The following CWC22 variants were observed in gnomAD, a reference collection of about 807,000 sequenced individuals.
The protein encoded by CWC22 is CWC22 spliceosome associated protein.
CWC22 carries 53 observed loss-of-function variants against 117.2 expected under a neutral mutation model. That is an observed-to-expected ratio of 0.45 (90% CI 0.36 to 0.57). The LOEUF is 0.57. Ranked by LOEUF, CWC22 falls within the 20% of genes least tolerant of loss-of-function variation. The probability of loss-of-function intolerance (pLI) is 0.00; values close to 1 mark genes in which losing one functional copy is unlikely to be tolerated. For synonymous variants in CWC22, 360 were observed against 355.6 expected (o/e 1.01, Z -0.14); for missense variants, 980 against 1,068.8 (o/e 0.92, Z 1.16).
intron 13 of CWC22, among the ~76,000 whole-genome samples, chr2:179,962,895 A>C (rs951306335): frequency 6.6e-6 from 1 of 152,100 alleles, no homozygotes; most frequent in Non-Finnish European, 1.5e-5. Flanking sequence ...AATCACCCTT[A>C]GGGTATAAAT....
rs543783141 is a variant in CWC22, at chr2:179,994,552, T to C, written c.-113-1098A>G. On this transcript the variant is annotated intron_variant, in intron 1 of 19. Transcript: ENST00000410053. ...ATTATAAAGTGATACAGAGCGGCTG[T>C]CATTTAATGCAGATGGGGATGTATA... 3.9e-5 allele frequency among the ~76,000 whole-genome samples: 6 copies of C among 152,314 alleles called. No homozygotes were observed. The South Asian group carries it at 8.3e-4, about 21-fold the overall frequency.
chr2:179,947,411 C>T (rs1686338006), intron 19 of CWC22, among the ~76,000 whole-genome samples: 2 of 152,230 alleles, frequency 1.3e-5, no homozygotes, highest in Non-Finnish European at 2.9e-5. Flanking sequence ...TAACAAGAGG[C>T]AATCTCTTCT....
rs1485866566 is a variant in CWC22 at position 180,006,979 on chromosome 2, T to TG, written c.-227dup. 1 of 152,198 alleles carries TG rather than the reference T, an allele frequency of 6.6e-6. No individual in the cohort carries two copies. The highest frequency in any genetic ancestry group is 2.4e-5 in the African/African-American group (1 of 41,418). The allele number at this position is 152,198 out of a possible 1,614,324, so 9.4% of individuals were successfully genotyped here. On this transcript the variant is annotated 5_prime_UTR_variant, in exon 1 of 20. Transcript: ENST00000410053. ...GTATCAGTGAGCCCGCACCCACTCC[T>TG]GGGGGTCTTTTACTTCCCACCCGAT...
intron 11 of CWC22, among the ~76,000 whole-genome samples, chr2:179,966,607 C>G (rs1034892504): frequency 6.6e-6 from 1 of 152,064 alleles, no homozygotes; most frequent in Non-Finnish European, 1.5e-5. Context: ...ATTAGATGAT[C>G]ACTTTTAAAA....
Position 179,970,709 on chromosome 2 carries a change from T to A in CWC22, c.1088A>T (p.Asp363Val). Reference protein sequence around the residue: ...ILEGLDLVEEDDQFTHMLPLE... With the variant: ...ILEGLDLVEEVDQFTHMLPLE... ...AGGGAGCATATGAGTGAATTGATCATCTTCTTCCACCAAATCAAGACCTTC... is the reference window on the plus strand; with the variant it reads ...AGGGAGCATATGAGTGAATTGATCAACTTCTTCCACCAAATCAAGACCTTC... The change falls in exon 10 of 20, where the codon GAT becomes GTT. Residue 363 changes from aspartate (D) to valine (V), a missense_variant. Physicochemically the swap from Asp to Val is radical, Grantham distance 152. Around this residue, in one of 3 missense-constraint regions of CWC22, gnomAD observed 559 missense variants for 602.3 expected, o/e 0.93. Coordinates refer to ENST00000410053, the MANE Select transcript of CWC22 (RefSeq NM_020943.3). 6.2e-7 allele frequency: 1 copy of A among 1,613,766 alleles called. No homozygotes were observed. The highest frequency in any genetic ancestry group is 8.5e-7 in the Non-Finnish European group (1 of 1,179,758).
Position 179,978,324 on chromosome 2 carries a change from A to G in CWC22, c.453-6T>C. The G allele has an allele frequency of 6.8e-7, 1 of 1,466,922 alleles. No homozygotes were observed. The highest frequency in any genetic ancestry group is 9.0e-7 in the Non-Finnish European group (1 of 1,112,512). The allele number at this position is 1,466,922 out of a possible 1,614,324, so 90.9% of individuals were successfully genotyped here. A position where few individuals can be genotyped will look rare whatever the true frequency, so the allele number is the denominator to read the frequency against. On this transcript the variant is annotated splice_region_variant and splice_polypyrimidine_tract_variant and intron_variant, in intron 5 of 19. Transcript: ENST00000410053. ...TCATCCTCTGGTATGCTAAGCTAAA[A>G]AGAAGTGATTTTAATAAAGATTAAA...
At chr2:179,965,009 G>C (rs1686853132) in intron 12 of CWC22, among the ~76,000 whole-genome samples, 1 of 152,074 alleles carries the variant, frequency 6.6e-6, no homozygotes, top group African/African-American at 2.4e-5. Context: ...CAGTTGCAGA[G>C]AACACTAGAT....
In CWC22 at chr2:179,958,951, T is replaced by G. The variant is rs1302068584; in HGVS notation, c.1458+71A>C. On this transcript the variant is annotated intron_variant, in intron 14 of 19. Transcript: ENST00000410053. ...AGGTATTGCTTCAATCCACAAAACT[T>G]ACCCATTAACAGCCTTAAACATTTT... 3.5e-6 allele frequency: 3 copies of G among 845,180 alleles called. No homozygotes were observed. The East Asian group carries it at 8.0e-5, about 23-fold the overall frequency. The allele number at this position is 845,180 out of a possible 1,614,324, so 52.4% of individuals were successfully genotyped here.
rs760140810 is a variant in CWC22 at position 179,954,290 on chromosome 2, G to A, written c.1604C>T (p.Thr535Ile). 6.2e-7 allele frequency: 1 copy of A among 1,608,690 alleles called. No homozygotes were observed. Among genetic ancestry groups the A allele is most frequent in the South Asian group, 1.1e-5 (1 of 90,808 alleles). Residue 535 changes from threonine to isoleucine, a missense_variant, in exon 16 of 20, where the codon ACC (threonine) becomes ATC (isoleucine). Physicochemically the swap from Thr to Ile is moderately conservative, Grantham distance 89. This residue lies in a region of CWC22 where 115 missense variants were observed against 169.8 expected (regional missense o/e 0.68). Transcript: ENST00000410053. Reference sequence around the variant, plus strand: ...CTTGTTTGTTTCCAAGCGATGGATGGTATCATACTGTTCTTTGAATATACC... The same window carrying A: ...CTTGTTTGTTTCCAAGCGATGGATGATATCATACTGTTCTTTGAATATACC... ...FEGIFKEQYD[T>I]IHRLETNKLR...
chr2:179,995,384 A>G (rs1454999962), intron 1 of CWC22, among the ~76,000 whole-genome samples: 1 of 152,204 alleles, frequency 6.6e-6, no homozygotes, highest in Non-Finnish European at 1.5e-5. Flanking sequence ...GTCTATTCTG[A>G]TATCATGCAA....
At chr2:179,990,546 CAGAGAGAGAGAGAG>C (rs3082436) in intron 2 of CWC22, among the ~76,000 whole-genome samples, 33 of 144,850 alleles carry the variant, frequency 2.3e-4, no homozygotes, top group African/African-American at 4.1e-4. Context: ...GTGAGACAGA[CAGAGAGAGAGAGAG>C]AGAGAGAGAG....
intron 11 of CWC22, among the ~76,000 whole-genome samples, chr2:179,970,224 A>C (rs1241805327): frequency 1.3e-5 from 2 of 152,180 alleles, no homozygotes; most frequent in Non-Finnish European, 2.9e-5. Flanking sequence ...GGCCACCACT[A>C]ATCTATGAAT....
chr2:179,998,822 G>C (rs1687774137), intron 1 of CWC22, among the ~76,000 whole-genome samples: 1 of 151,984 alleles, frequency 6.6e-6, no homozygotes, highest in Non-Finnish European at 1.5e-5. Flanking sequence ...AAAATCACTT[G>C]ACCCCATTGC....
intron 1 of CWC22, among the ~76,000 whole-genome samples, chr2:179,996,848 G>A (rs547247563): frequency 5.4e-4 from 80 of 147,048 alleles, no homozygotes; most frequent in South Asian, 2.2e-4. Context: ...AAAAGTTAAC[G>A]TAGAATTCCA....
At chr2:179,989,068 C>T (rs1687494224) in intron 2 of CWC22, among the ~76,000 whole-genome samples, 1 of 151,716 alleles carries the variant, frequency 6.6e-6, no homozygotes, top group African/African-American at 2.4e-5. Context: ...TATCCCTAAC[C>T]ACCCCCCTAC....
At chr2:179,953,920 G>C (rs1686518589) in intron 16 of CWC22, among the ~76,000 whole-genome samples, 1 of 152,100 alleles carries the variant, frequency 6.6e-6, no homozygotes, top group Non-Finnish European at 1.5e-5. Context: ...TGTACACAGA[G>C]AAGATGAAAA....
chr2:179,980,927 AG>A (rs1687270882), intron 5 of CWC22, among the ~76,000 whole-genome samples: 1 of 152,170 alleles, frequency 6.6e-6, no homozygotes, highest in Non-Finnish European at 1.5e-5. Context: ...ATCCTATTAG[AG>A]AAAAATATCT....
chr2:179,965,169 AAAAAAGTTGGAAAAAATTAAATCTATTT>A (rs1253518076), intron 12 of CWC22, among the ~76,000 whole-genome samples: 1 of 152,226 alleles, frequency 6.6e-6, no homozygotes, highest in Non-Finnish European at 1.5e-5. Context: ...AATTTTAATA[AAAAAAGTTGGAAAAAATTAAATCTATTT>A]TTACAAAATA....
intron 8 of CWC22, 25 bp from the exon 9 acceptor site, chr2:179,971,101 A>C: frequency 6.9e-7 from 1 of 1,439,454 alleles, no homozygotes. Context: ...ATATACAAGG[A>C]AGAAACAAAA....
Sources: allele counts gnomAD v4.1 joint callset (sites outside exome capture counted in the v4.1 genomes callset), GRCh38; gene constraint gnomAD v4.1.1; regional missense constraint gnomAD v4.1.1; transcripts MANE v1.5; gene names NCBI Gene and HGNC (gene_info 2026-07-23, HGNC 2026-07-21).